The following KRIT1 variants were observed in gnomAD, a reference collection of about 807,000 sequenced individuals.
KRIT1 encodes KRIT1 ankyrin repeat containing.
In KRIT1, 45 loss-of-function variants were observed where a neutral mutation model predicts 95.8. The observed-to-expected ratio is 0.47, with a 90% confidence interval of 0.37 to 0.60. The LOEUF (loss-of-function observed/expected upper bound fraction) is 0.60, where lower values mean the gene tolerates loss of function less well. Among genes scored for constraint, KRIT1 ranks in the 20% least tolerant of loss-of-function variants. The probability of loss-of-function intolerance (pLI) is 0.00; values close to 1 mark genes in which losing one functional copy is unlikely to be tolerated. For missense variants in KRIT1, 788 were observed against 877.5 expected (o/e 0.90, Z 1.29); for synonymous variants, 282 against 278.8 (o/e 1.01, Z -0.11).
At position 92,213,811 on chromosome 7, in the gene KRIT1, CCT is replaced by C. The variant is rs1793388100; in HGVS notation, c.1818+79_1818+80del. ...ATTTCAGGACTATAAATTTAATCTA[CCT>C]CTGTTTAAAATATTTATAACACTAA... On this transcript the variant is annotated intron_variant, in intron 16 of 18. Transcript: ENST00000394505. 4 of 835,590 alleles carry C rather than the reference CCT, an allele frequency of 4.8e-6. No homozygotes were observed. The Admixed American group carries it at 6.9e-5, about 14-fold the overall frequency. The allele number at this position is 835,590 out of a possible 1,614,324, so 51.8% of individuals were successfully genotyped here.
At position 92,235,001 on chromosome 7, in the gene KRIT1, T is replaced by G. The variant is rs1798100335; in HGVS notation, c.730-78A>C. On this transcript the variant is annotated intron_variant, in intron 8 of 18. Transcript: ENST00000394505. Reference sequence around the variant, plus strand: ...GTTTACATGTTTATATTTTAAATTTTTACTTATTTATTTATTGAGAATGAG... The same window carrying G: ...GTTTACATGTTTATATTTTAAATTTGTACTTATTTATTTATTGAGAATGAG... 8 of 756,926 alleles carry G rather than the reference T, an allele frequency of 1.1e-5. No homozygotes were observed. The South Asian group carries it at 1.2e-4, about 11-fold the overall frequency. The allele number at this position is 756,926 out of a possible 1,614,324, so 46.9% of individuals were successfully genotyped here.
intron 5 of KRIT1, among the ~76,000 whole-genome samples, chr7:92,239,189 GT>G (rs1275407465): frequency 6.6e-6 from 1 of 152,134 alleles, no homozygotes; most frequent in African/African-American, 2.4e-5. Flanking sequence ...TGCTAGATAT[GT>G]TTCACGGTGA....
At chr7:92,232,838 C>T in intron 10 of KRIT1, among the ~76,000 whole-genome samples, 1 of 152,058 alleles carries the variant, frequency 6.6e-6, no homozygotes, top group East Asian at 1.9e-4. Context: ...GGACTACAGG[C>T]ACCCGCCACC....
chr7:92,202,084 A>G (rs1790297883), intron 17 of KRIT1, among the ~76,000 whole-genome samples: 1 of 152,238 alleles, frequency 6.6e-6, no homozygotes, highest in Non-Finnish European at 1.5e-5. Flanking sequence ...GAATATTTAC[A>G]TAGTACTTTC....
intron 5 of KRIT1, among the ~76,000 whole-genome samples, chr7:92,239,735 G>T (rs1799213036): frequency 6.8e-6 from 1 of 146,962 alleles, no homozygotes; most frequent in Non-Finnish European, 1.5e-5. Context: ...TTTTGAGACG[G>T]AGTCTCACTC....
intron 7 of KRIT1, chr7:92,235,977 AATGT>A: frequency 3.9e-6 from 1 of 259,180 alleles, no homozygotes. Flanking sequence ...AAATTTTTTA[AATGT>A]ATGTGCCATT....
chr7:92,225,460 A>C (rs1463188532), intron 12 of KRIT1, among the ~76,000 whole-genome samples: 1 of 152,076 alleles, frequency 6.6e-6, no homozygotes, highest in Non-Finnish European at 1.5e-5. Flanking sequence ...GGTGCACGCC[A>C]CCATGCCCAG....
intron 17 of KRIT1, among the ~76,000 whole-genome samples, chr7:92,211,375 T>C (rs1052077587): frequency 2.0e-5 from 3 of 152,190 alleles, no homozygotes; most frequent in Admixed American, 6.5e-5. Flanking sequence ...CGCAACAACA[T>C]GAATGGAATT....
chr7:92,216,496 G>C (rs975328963), intron 14 of KRIT1, among the ~76,000 whole-genome samples: 2 of 151,848 alleles, frequency 1.3e-5, no homozygotes, highest in African/African-American at 4.8e-5. Flanking sequence ...TGAAACAACT[G>C]GGAAACATCT....
intron 17 of KRIT1, among the ~76,000 whole-genome samples, chr7:92,210,707 C>T (rs940703245): frequency 6.6e-6 from 1 of 152,182 alleles, no homozygotes; most frequent in Non-Finnish European, 1.5e-5. Flanking sequence ...TATTAAGCTT[C>T]TGCACAGCTA....
In KRIT1 at chr7:92,245,087, G is replaced by A. The variant is rs1401305514; in HGVS notation, c.-336C>T. The A allele has an allele frequency of 6.7e-6, 1 of 149,866 alleles. No individual in the cohort carries two copies. Among genetic ancestry groups the A allele is most frequent in the Non-Finnish European group, 1.5e-5 (1 of 67,364 alleles). 9.3% of individuals were successfully genotyped at this position (149,866 alleles called of 1,614,324 possible). On this transcript the variant is annotated 5_prime_UTR_variant, in exon 2 of 19. Transcript: ENST00000394505. ...CTCCAGAAGGGTAAGAAAATAATGA[G>A]GCTGAGATCCTGAGTTGGACCACCG...
chr7:92,234,008 TA>T (rs1319467855), intron 10 of KRIT1, among the ~76,000 whole-genome samples: 2 of 152,212 alleles, frequency 1.3e-5, no homozygotes, highest in African/African-American at 4.8e-5. Context: ...GGCTTCTTGA[TA>T]ACCAGTTTCT....
At chr7:92,229,806 A>T (rs1796917476) in intron 10 of KRIT1, among the ~76,000 whole-genome samples, 2 of 152,136 alleles carry the variant, frequency 1.3e-5, no homozygotes, top group African/African-American at 4.8e-5. Context: ...CTCCTTGAGG[A>T]TAGGGACAGT....
chr7:92,228,358 T>TA (rs1008154784), intron 10 of KRIT1, among the ~76,000 whole-genome samples: 1 of 152,138 alleles, frequency 6.6e-6, no homozygotes, highest in African/African-American at 2.4e-5. Flanking sequence ...TGTGTGGAAA[T>TA]AAGAGGGTGA....
Position 92,214,599 on chromosome 7 carries a change from TTAAA to T in KRIT1, c.1730+8_1730+11del. ...GCATAGCACAAGACCATGCATAATA[TTAAA>T]TACTTACTTTAGGAAACCTTGCTTG... On this transcript the variant is annotated splice_region_variant and intron_variant, in intron 15 of 18. Coordinates refer to ENST00000394505, the MANE Select transcript of KRIT1 (RefSeq NM_194454.3). 6.3e-7 allele frequency: 1 copy of T among 1,592,932 alleles called. No individual in the cohort carries two copies. Among genetic ancestry groups the T allele is most frequent in the Non-Finnish European group, 8.6e-7 (1 of 1,161,024 alleles).
intron 5 of KRIT1, among the ~76,000 whole-genome samples, chr7:92,240,057 C>G (rs1282783542): frequency 6.6e-6 from 1 of 152,070 alleles, no homozygotes; most frequent in African/African-American, 2.4e-5. Context: ...TGCTTACAGT[C>G]CCAACCCACA....
intron 10 of KRIT1, among the ~76,000 whole-genome samples, chr7:92,230,221 G>C (rs1797002119): frequency 1.3e-5 from 2 of 152,082 alleles, no homozygotes; most frequent in African/African-American, 4.8e-5. Context: ...AATGGAGCTT[G>C]ATGCAGTTAA....
At chr7:92,217,300 C>T (rs1184093238) in intron 14 of KRIT1, among the ~76,000 whole-genome samples, 1 of 151,864 alleles carries the variant, frequency 6.6e-6, no homozygotes, top group Non-Finnish European at 1.5e-5. Flanking sequence ...GTCATTTGAC[C>T]CGTTTTAAAG....
At chr7:92,241,412 C>T (rs1799612582) in intron 4 of KRIT1, among the ~76,000 whole-genome samples, 1 of 152,148 alleles carries the variant, frequency 6.6e-6, no homozygotes, top group Non-Finnish European at 1.5e-5. Context: ...GTAGCCTACT[C>T]AGAAACCCTA....
Sources: gnomAD v4.1 joint callset for allele counts (sites outside exome capture counted in the v4.1 genomes callset) on GRCh38, gnomAD v4.1.1 for gene constraint, MANE v1.5 for transcripts, NCBI Gene and HGNC (gene_info 2026-07-23, HGNC 2026-07-21) for gene names.